ZC3H14: variants seen among roughly 807,000 people sequenced by gnomAD.
ZC3H14 encodes the protein zinc finger CCCH-type containing 14, also known as zinc finger CCCH domain-containing protein 14.
A neutral mutation model predicts 92.4 loss-of-function variants in ZC3H14; 31 were observed. The ratio of observed to expected loss-of-function variants is 0.34; its 90% CI spans 0.25 to 0.45. The LOEUF (loss-of-function observed/expected upper bound fraction) is 0.45. Ranked by LOEUF, ZC3H14 falls within the 20% of genes least tolerant of loss-of-function variation. The pLI, the probability that ZC3H14 is intolerant of heterozygous loss-of-function variation, is 1.00. For missense variants in ZC3H14, 781 were observed against 897.3 expected (o/e 0.87, Z 1.66); for synonymous variants, 321 against 300.9 (o/e 1.07, Z -0.69).
rs1010230154 is a variant in ZC3H14 at position 88,612,047 on chromosome 14, A to G, written c.*296A>G. 17 of 432,130 alleles carry G rather than the reference A, an allele frequency of 3.9e-5. No homozygotes were observed. Among genetic ancestry groups the G allele is most frequent in the African/African-American group, 3.2e-4 (16 of 50,034 alleles). 26.8% of individuals were successfully genotyped at this position (432,130 alleles called of 1,614,324 possible). A position where few individuals can be genotyped will look rare whatever the true frequency, so the allele number is the denominator to read the frequency against. ...GTGCACTGCTGTTGTGAGGATCAGCATATGAAATTGACATCATGGTTAGTC... is the reference window on the plus strand; with the variant it reads ...GTGCACTGCTGTTGTGAGGATCAGCGTATGAAATTGACATCATGGTTAGTC... On this transcript the variant is annotated 3_prime_UTR_variant, in exon 17 of 17. Transcript: ENST00000251038.
At chr14:88,563,467 G>C in intron 1 of ZC3H14, 184 bp from the exon 2 acceptor site, 1 of 1,453,128 alleles carries the variant, frequency 6.9e-7, no homozygotes, top group Non-Finnish European at 9.0e-7. Context: ...TGGGCGCCGC[G>C]GGGCTGGGGC....
Position 88,611,944 on chromosome 14 carries a change from G to T in ZC3H14, c.*193G>T. The T allele has an allele frequency of 5.4e-6, 4 of 734,500 alleles. No individual in the cohort carries two copies. The highest frequency in any genetic ancestry group is 8.8e-6 in the Non-Finnish European group (4 of 454,456). 45.5% of individuals were successfully genotyped at this position (734,500 alleles called of 1,614,324 possible). On this transcript the variant is annotated 3_prime_UTR_variant, in exon 17 of 17. Transcript: ENST00000251038. ...GTTTATTATGTGGTTTTAACATTGG[G>T]TGTTTTTGTTTTGTTTTTACTATGA...
intron 2 of ZC3H14, among the ~76,000 whole-genome samples, chr14:88,566,089 A>G (rs2079579596): frequency 7.5e-6 from 1 of 132,544 alleles, no homozygotes; most frequent in South Asian, 2.4e-4. Flanking sequence ...CATGTTGGCC[A>G]GGCTGATCTC....
At chr14:88,563,468 G>T in intron 1 of ZC3H14, 183 bp from the exon 2 acceptor site, 1 of 1,462,068 alleles carries the variant, frequency 6.8e-7, no homozygotes, top group Non-Finnish European at 9.0e-7. Context: ...GGGCGCCGCG[G>T]GGCTGGGGCT....
intron 4 of ZC3H14, among the ~76,000 whole-genome samples, chr14:88,571,590 T>G (rs891809896): frequency 1.3e-5 from 2 of 152,250 alleles, no homozygotes; most frequent in Non-Finnish European, 2.9e-5. Flanking sequence ...ATTGGTGATT[T>G]TTATTATATT....
chr14:88,603,292 C>T (rs1259338161), intron 12 of ZC3H14, among the ~76,000 whole-genome samples: 1 of 152,196 alleles, frequency 6.6e-6, no homozygotes, highest in African/African-American at 2.4e-5. Flanking sequence ...GCCATGGAAC[C>T]TGAGAGACCT....
intron 4 of ZC3H14, 21 bp from the exon 5 acceptor site, chr14:88,572,009 G>T: frequency 3.2e-6 from 5 of 1,562,700 alleles, no homozygotes; most frequent in Non-Finnish European, 4.4e-6. Flanking sequence ...TAGATTAAAA[G>T]GACTGTATTT....
chr14:88,615,643 G>A lies in ZC3H14; in HGVS notation c.*3892G>A. On this transcript the variant is annotated 3_prime_UTR_variant, in exon 17 of 17. Transcript: ENST00000251038. ...GTGTATGGATTACGGATTATACCCAGTGCATATAGCAAATATTTTGAACAG... is the reference window on the plus strand; with the variant it reads ...GTGTATGGATTACGGATTATACCCAATGCATATAGCAAATATTTTGAACAG... 1 of 601,884 alleles carries A rather than the reference G, an allele frequency of 1.7e-6. No individual in the cohort carries two copies. The highest frequency in any genetic ancestry group is 2.9e-6 in the Non-Finnish European group (1 of 346,144). 37.3% of individuals were successfully genotyped at this position (601,884 alleles called of 1,614,324 possible).
intron 9 of ZC3H14, among the ~76,000 whole-genome samples, chr14:88,588,019 C>T (rs1017005986): frequency 6.6e-6 from 1 of 152,106 alleles, no homozygotes; most frequent in African/African-American, 2.4e-5. Context: ...TGTGGGAACT[C>T]TCTAGAGTTT....
At chr14:88,590,872 C>T (rs1471670948) in intron 9 of ZC3H14, 1 of 152,212 alleles carries the variant, frequency 6.6e-6, no homozygotes, top group Non-Finnish European at 1.5e-5. Flanking sequence ...AATGTCACTC[C>T]TGCCTTGCAT....
At position 88,617,100 on chromosome 14, in the gene ZC3H14, C is replaced by A. The variant is rs1418933140; in HGVS notation, c.*5349C>A. 2.5e-6 allele frequency: 1 copy of A among 393,400 alleles called. No individual in the cohort carries two copies. The highest frequency in any genetic ancestry group is 2.0e-5 in the African/African-American group (1 of 49,402). The allele number at this position is 393,400 out of a possible 1,614,324, so 24.4% of individuals were successfully genotyped here. ...TAATTTGAAGGGTTTCTAGATTAATCTTTTTAAGATTAAAGTAGTACTTTA... is the reference window on the plus strand; with the variant it reads ...TAATTTGAAGGGTTTCTAGATTAATATTTTTAAGATTAAAGTAGTACTTTA... On this transcript the variant is annotated 3_prime_UTR_variant, in exon 17 of 17. Transcript: ENST00000251038.
Position 88,618,894 on chromosome 14 carries a change from T to C in ZC3H14, c.*7143T>C. The C allele has an allele frequency of 7.1e-7, 1 of 1,405,864 alleles. No homozygotes were observed. The highest frequency in any genetic ancestry group is 1.6e-5 in the South Asian group (1 of 64,298). 87.1% of individuals were successfully genotyped at this position (1,405,864 alleles called of 1,614,324 possible). ...AAGATCAGTGACTTTTCCTTTCTAG[T>C]TCTTAAAAGTAACGTGTGATAAGGC... On this transcript the variant is annotated 3_prime_UTR_variant, in exon 17 of 17. Coordinates refer to ENST00000251038, the MANE Select transcript of ZC3H14 (RefSeq NM_024824.5).
intron 14 of ZC3H14, 73 bp downstream of exon 14, chr14:88,609,476 GAACA>G (rs995482130): frequency 2.2e-5 from 35 of 1,605,802 alleles, no homozygotes; most frequent in Non-Finnish European, 2.7e-5. Context: ...AAATGGAATT[GAACA>G]AACAAAAGAT....
At chr14:88,578,312 AT>A (rs869067515) in intron 9 of ZC3H14, among the ~76,000 whole-genome samples, 172 bp downstream of exon 9, 4 of 150,840 alleles carry the variant, frequency 2.7e-5, no homozygotes, top group African/African-American at 4.9e-5. Flanking sequence ...TCAGAAAAAA[AT>A]TTTTTTTTTA....
chr14:88,616,204 C>T lies in ZC3H14; in HGVS notation c.*4453C>T. The T allele has an allele frequency of 6.2e-7, 1 of 1,613,882 alleles. No homozygotes were observed. The highest frequency in any genetic ancestry group is 8.5e-7 in the Non-Finnish European group (1 of 1,179,818). On this transcript the variant is annotated 3_prime_UTR_variant, in exon 17 of 17. Coordinates refer to ENST00000251038, the MANE Select transcript of ZC3H14 (RefSeq NM_024824.5). ...CACCACTGGTAAATCGAATATTTGT[C>T]ACATGGGGCGAATGACCCAAGAACC...
intron 9 of ZC3H14, among the ~76,000 whole-genome samples, chr14:88,579,165 C>G (rs900615912): frequency 1.3e-5 from 2 of 152,138 alleles, no homozygotes; most frequent in Admixed American, 6.5e-5. Flanking sequence ...TTCTTCAAAA[C>G]TGTCCTTTAA....
rs1486381370 is a variant in ZC3H14, at chr14:88,568,136, A to C, written c.177A>C (p.Thr59=). The C allele has an allele frequency of 1.9e-6, 3 of 1,614,050 alleles. No individual in the cohort carries two copies. Among genetic ancestry groups the C allele is most frequent in the Admixed American group, 1.7e-5 (1 of 60,032 alleles). ...EDLSLFLGNN[T]IRFTVWLHGV... is the part of the protein sequence containing the mutation. ...TGTCCCTGTTTCTAGGGAACAACAC[A>C]ATTCGATTCACCGTATGGTATGTTT... is the stretch of plus-strand genomic sequence containing the variant. The change falls in exon 3 of 17, where the codon ACA becomes ACC. Residue 59 remains threonine, a synonymous_variant. Transcript: ENST00000251038.
At chr14:88,599,894 C>A (rs1210787021) in intron 10 of ZC3H14, among the ~76,000 whole-genome samples, 2 of 152,150 alleles carry the variant, frequency 1.3e-5, no homozygotes, top group Non-Finnish European at 2.9e-5. Flanking sequence ...TAACTTGGAG[C>A]TGCAAACAGT....
chr14:88,574,930 C>T (rs1566907252), intron 7 of ZC3H14, 77 bp downstream of exon 7: 23 of 1,599,900 alleles, frequency 1.4e-5, no homozygotes, highest in East Asian at 1.3e-4. Context: ...AGAATAATCA[C>T]GAAAATAATT....
Sources: gnomAD v4.1 joint callset for allele counts (sites outside exome capture counted in the v4.1 genomes callset) on GRCh38, gnomAD v4.1.1 for gene constraint, MANE v1.5 for transcripts, NCBI Gene and HGNC (gene_info 2026-07-23, HGNC 2026-07-21) for gene names.